The following NCOA1 variants were observed in gnomAD, a reference collection of about 807,000 sequenced individuals.
NCOA1 encodes Hin-2 protein.
A neutral mutation model predicts 150.9 loss-of-function variants in NCOA1; 35 were observed. That is an observed-to-expected ratio of 0.23 (90% CI 0.18 to 0.31). The LOEUF is 0.31. Ranked by LOEUF, NCOA1 falls within the 10% of genes least tolerant of loss-of-function variation. NCOA1 has a pLI of 1.00. For synonymous variants in NCOA1, 590 were observed against 630.0 expected (o/e 0.94, Z 0.95); for missense variants, 1,491 against 1,749.3 (o/e 0.85, Z 2.63).
chr2:24,603,699 G>A (rs1034482792), intron 3 of NCOA1, among the ~76,000 whole-genome samples: 1 of 152,118 alleles, frequency 6.6e-6, no homozygotes, highest in Non-Finnish European at 1.5e-5. Context: ...TCGAATTCTG[G>A]TTCTCTTGCT....
Position 24,590,698 on chromosome 2 carries a change from C to T in NCOA1, c.-175+6138C>T, listed in dbSNP as rs183925164. On this transcript the variant is annotated intron_variant, in intron 3 of 22. Coordinates refer to ENST00000348332, the MANE Select transcript of NCOA1 (RefSeq NM_003743.5). ...TTTATTTGTCTTTTGTAGAATTCCT[C>T]ATATTTGTGTTTACCAAACTGTAGT... 7.2e-5 allele frequency among the ~76,000 whole-genome samples: 11 copies of T among 152,240 alleles called. No homozygotes were observed. The East Asian group carries it at 1.5e-3, about 21-fold the overall frequency.
At chr2:24,554,175 T>A (rs563744861) in intron 1 of NCOA1, among the ~76,000 whole-genome samples, 1 of 152,296 alleles carries the variant, frequency 6.6e-6, no homozygotes, top group South Asian at 2.1e-4. Flanking sequence ...TACCTCTATG[T>A]TTTGTTTTCA....
chr2:24,622,622 AC>A (rs1424293774), intron 3 of NCOA1, among the ~76,000 whole-genome samples: 3 of 152,142 alleles, frequency 2.0e-5, no homozygotes, highest in African/African-American at 7.2e-5. Flanking sequence ...CTAGACCCTT[AC>A]CAGTGCTGGA....
intron 3 of NCOA1, among the ~76,000 whole-genome samples, chr2:24,620,714 G>C (rs1213390056): frequency 6.6e-6 from 1 of 151,348 alleles, no homozygotes; most frequent in Non-Finnish European, 1.5e-5. Context: ...AAAGTGTTTT[G>C]TATGTTCACT....
At chr2:24,665,632 G>T in intron 5 of NCOA1, 117 bp from the exon 6 acceptor site, 4 of 873,730 alleles carry the variant, frequency 4.6e-6, no homozygotes, top group South Asian at 9.5e-5. Flanking sequence ...TCTAAATCTG[G>T]TTTTATATTT....
At chr2:24,736,471 A>G (rs1329778493) in intron 17 of NCOA1, among the ~76,000 whole-genome samples, 2 of 152,224 alleles carry the variant, frequency 1.3e-5, no homozygotes, top group African/African-American at 2.4e-5. Context: ...CGTATCTGAC[A>G]TTATAAGAAC....
intron 2 of NCOA1, chr2:24,564,868 A>T (rs1262932587): frequency 6.6e-6 from 1 of 152,242 alleles, no homozygotes; most frequent in African/African-American, 2.4e-5. Flanking sequence ...TTTAATAATT[A>T]TTTTATTTAC....
intron 11 of NCOA1, among the ~76,000 whole-genome samples, chr2:24,702,563 T>A (rs2148585073): frequency 6.6e-6 from 1 of 152,272 alleles, no homozygotes; most frequent in Admixed American, 6.5e-5. Context: ...TCTTTTGCTT[T>A]GTAGCTCTGT....
chr2:24,528,507 C>T (rs1055241603), intron 1 of NCOA1, among the ~76,000 whole-genome samples: 14 of 151,852 alleles, frequency 9.2e-5, no homozygotes, highest in East Asian at 7.8e-4. Flanking sequence ...CCACCACACC[C>T]GGTTAATTTT....
At chr2:24,762,869 G>A (rs1224225476) in intron 22 of NCOA1, 93 bp downstream of exon 22, 19 of 1,121,564 alleles carry the variant, frequency 1.7e-5, no homozygotes, top group Admixed American at 5.5e-5. Context: ...GACCTTGGGA[G>A]TCAGACCTGG....
intron 3 of NCOA1, among the ~76,000 whole-genome samples, chr2:24,603,736 T>C (rs557480954): frequency 2.7e-4 from 41 of 152,360 alleles, no homozygotes; most frequent in African/African-American, 9.6e-4. Context: ...CGGTTACTTC[T>C]ACTGGTCTTG....
intron 10 of NCOA1, among the ~76,000 whole-genome samples, chr2:24,694,808 T>G (rs564530439): frequency 1.3e-5 from 2 of 152,148 alleles, no homozygotes; most frequent in East Asian, 3.9e-4. Flanking sequence ...AAACAAAAAT[T>G]TATTTAAATT....
At chr2:24,710,069 TTTTTA>T (rs200816186) in intron 13 of NCOA1, among the ~76,000 whole-genome samples, 4 of 151,440 alleles carry the variant, frequency 2.6e-5, no homozygotes, top group Admixed American at 6.6e-5. Flanking sequence ...TATTTATTCT[TTTTTA>T]TTTTATTTTA....
chr2:24,508,294 T>C (rs1663789472), intron 1 of NCOA1, among the ~76,000 whole-genome samples: 3 of 152,252 alleles, frequency 2.0e-5, no homozygotes, highest in Middle Eastern at 3.4e-3. Context: ...TTTAAAAAAC[T>C]TGTGAACCTA....
At chr2:24,746,923 C>T (rs1215298289) in intron 19 of NCOA1, among the ~76,000 whole-genome samples, 1 of 152,044 alleles carries the variant, frequency 6.6e-6, no homozygotes, top group Non-Finnish European at 1.5e-5. Flanking sequence ...TATGTAGCTT[C>T]ATTTACATAA....
intron 1 of NCOA1, among the ~76,000 whole-genome samples, chr2:24,495,819 T>C (rs1182606510): frequency 6.6e-6 from 1 of 152,196 alleles, no homozygotes; most frequent in Non-Finnish European, 1.5e-5. Flanking sequence ...AACTTCAGTT[T>C]TTATATTTAA....
At position 24,707,540 on chromosome 2, in the gene NCOA1, A is replaced by G; in HGVS notation, c.2070A>G (p.Leu690=). Residue 690 remains leucine, a synonymous_variant, in exon 13 of 23, where the codon CTA becomes CTG. Coordinates refer to ENST00000348332, the MANE Select transcript of NCOA1 (RefSeq NM_003743.5). ...CATTGACAGAACGGCATAAAATTCT[A>G]CACCGGCTCTTACAGGAGGGTAGCC... ...HSSLTERHKI[L]HRLLQEGSPS... is the part of the protein sequence containing the mutation. 1 of 1,614,174 alleles carries G rather than the reference A, an allele frequency of 6.2e-7. No homozygotes were observed. Among genetic ancestry groups the G allele is most frequent in the Non-Finnish European group, 8.5e-7 (1 of 1,180,038 alleles).
intron 6 of NCOA1, among the ~76,000 whole-genome samples, chr2:24,673,010 A>C (rs1166895739): frequency 6.6e-6 from 1 of 152,242 alleles, no homozygotes; most frequent in Non-Finnish European, 1.5e-5. Context: ...GAAAGAGAAA[A>C]CTTGAAATAA....
chr2:24,676,004 C>A (rs1342167175), intron 7 of NCOA1, among the ~76,000 whole-genome samples: 1 of 152,228 alleles, frequency 6.6e-6, no homozygotes, highest in South Asian at 2.1e-4. Context: ...GCTTCTCTTT[C>A]AATACATCCT....
Sources: allele counts gnomAD v4.1 joint callset (sites outside exome capture counted in the v4.1 genomes callset), GRCh38; gene constraint gnomAD v4.1.1; transcripts MANE v1.5; gene names NCBI Gene and HGNC (gene_info 2026-07-23, HGNC 2026-07-21).